IRAG1: variants seen among roughly 807,000 people sequenced by gnomAD.
The protein encoded by IRAG1 is IP3R-associated cGMP kinase substrate.
IRAG1 carries 62 observed loss-of-function variants against 106.2 expected under a neutral mutation model. The observed-to-expected ratio is 0.58, with a 90% CI of 0.48 to 0.72. IRAG1 has a LOEUF of 0.72. IRAG1 is among the 30% of genes least tolerant of loss of function. IRAG1 has a pLI of 0.00. For synonymous variants in IRAG1, 462 were observed against 443.9 expected (o/e 1.04, Z -0.51); for missense variants, 1,064 against 1,140.7 (o/e 0.93, Z 0.97).
intron 1 of IRAG1, among the ~76,000 whole-genome samples, chr11:10,653,143 T>C (rs996391302): frequency 6.6e-6 from 1 of 152,142 alleles, no homozygotes; most frequent in Non-Finnish European, 1.5e-5. Flanking sequence ...TTTCTCCTGC[T>C]CTGAGTGGTG....
intron 1 of IRAG1, among the ~76,000 whole-genome samples, chr11:10,689,674 G>A (rs1390054470): frequency 1.3e-5 from 2 of 152,174 alleles, no homozygotes; most frequent in Non-Finnish European, 2.9e-5. Context: ...ATGACTCTAT[G>A]TTATAAAACC....
chr11:10,606,653 G>A (rs761895745), intron 12 of IRAG1, 89 bp downstream of exon 12: 33 of 1,315,780 alleles, frequency 2.5e-5, no homozygotes, highest in Non-Finnish European at 3.4e-5. Flanking sequence ...GTCTAAAAAT[G>A]TCAGAGCTAG....
intron 2 of IRAG1, among the ~76,000 whole-genome samples, chr11:10,649,428 C>T (rs935808816): frequency 6.6e-6 from 1 of 152,136 alleles, no homozygotes; most frequent in Non-Finnish European, 1.5e-5. Context: ...GCAACTAACC[C>T]TTGTACTGGG....
chr11:10,608,956 A>T (rs1443509606), intron 11 of IRAG1, among the ~76,000 whole-genome samples: 1 of 152,168 alleles, frequency 6.6e-6, no homozygotes, highest in African/African-American at 2.4e-5. Flanking sequence ...GTTCTCTCTG[A>T]CATTTAGGTC....
chr11:10,660,571 C>T (rs1859315668), intron 1 of IRAG1, among the ~76,000 whole-genome samples: 1 of 152,140 alleles, frequency 6.6e-6, no homozygotes, highest in African/African-American at 2.4e-5. Flanking sequence ...GCTACTCAGC[C>T]CCAGGCTCCC....
chr11:10,583,098 G>C (rs1273059685), intron 18 of IRAG1, among the ~76,000 whole-genome samples: 1 of 152,240 alleles, frequency 6.6e-6, no homozygotes, highest in Non-Finnish European at 1.5e-5. Context: ...TGCAATGCCT[G>C]TGAGGTATCC....
rs575024225 is a variant in IRAG1, at chr11:10,679,412, A to G, written c.67+14124T>C. On this transcript the variant is annotated intron_variant, in intron 1 of 20. Coordinates refer to ENST00000423302, the MANE Select transcript of IRAG1 (RefSeq NM_130385.4). ...AGATCTGGTGCCTGGTGCTTTAGGCATATTTACTCACTCAATCCCCCAACT... is the reference window on the plus strand; with the variant it reads ...AGATCTGGTGCCTGGTGCTTTAGGCGTATTTACTCACTCAATCCCCCAACT... 2.0e-5 allele frequency among the ~76,000 whole-genome samples: 3 copies of G among 152,244 alleles called. No homozygotes were observed. In the South Asian group the frequency reaches 6.2e-4, roughly 32 times the overall value.
At chr11:10,610,044 C>T (rs1161536077) in intron 10 of IRAG1, among the ~76,000 whole-genome samples, 193 bp from the exon 11 acceptor site, 2 of 152,186 alleles carry the variant, frequency 1.3e-5, no homozygotes, top group Non-Finnish European at 2.9e-5. Flanking sequence ...AGCCAAGGCT[C>T]AGCAAGGTTA....
At chr11:10,687,887 G>T in intron 1 of IRAG1, 1 of 965,720 alleles carries the variant, frequency 1.0e-6, no homozygotes, top group Non-Finnish European at 1.4e-6. Flanking sequence ...GGGGGGGGGT[G>T]GTATTTAACT....
chr11:10,610,869 T>C lies in IRAG1; in HGVS notation c.1448-1018A>G, dbSNP rs150107456. Among the ~76,000 whole-genome samples the C allele has an allele frequency of 1.4e-3, 206 of 152,358 alleles. 1 individual carries two copies. The Middle Eastern group carries it at 0.031, about 23-fold the overall frequency. ...ATCCTGTATAATGGTTACTTTCCATTTGCATGTAGAACTTCATATTTATCC... is the reference window on the plus strand; with the variant it reads ...ATCCTGTATAATGGTTACTTTCCATCTGCATGTAGAACTTCATATTTATCC... On this transcript the variant is annotated intron_variant, in intron 10 of 20. Transcript: ENST00000423302.
chr11:10,652,199 A>T lies in IRAG1; in HGVS notation c.68-17T>A, dbSNP rs1440601212. The T allele has an allele frequency of 1.9e-6, 3 of 1,613,472 alleles. No individual in the cohort carries two copies. Among genetic ancestry groups the T allele is most frequent in the Non-Finnish European group, 2.5e-6 (3 of 1,179,706 alleles). On this transcript the variant is annotated splice_polypyrimidine_tract_variant and intron_variant, in intron 1 of 20. Coordinates refer to ENST00000423302, the MANE Select transcript of IRAG1 (RefSeq NM_130385.4). Reference sequence around the variant, plus strand: ...CTCCACAGGCTGGGGAGATGCCAAAAGGACAAGTCAAATCCATTCCCATCC... The same window carrying T: ...CTCCACAGGCTGGGGAGATGCCAAATGGACAAGTCAAATCCATTCCCATCC...
chr11:10,607,609 GC>G lies in IRAG1; in HGVS notation c.1572-838del, dbSNP rs150156406. On this transcript the variant is annotated intron_variant, in intron 11 of 20. Coordinates refer to ENST00000423302, the MANE Select transcript of IRAG1 (RefSeq NM_130385.4). ...TGCACAGGCCCTTTCCTGTGCTGGGGCGGGGAGGCCTGGGAGGGGTCCTACC... is the reference window on the plus strand; with the variant it reads ...TGCACAGGCCCTTTCCTGTGCTGGGGGGGGAGGCCTGGGAGGGGTCCTACC... Among the ~76,000 whole-genome samples the G allele has an allele frequency of 5.9e-3, 904 of 152,256 alleles. 13 individuals carry two copies. Among genetic ancestry groups the G allele is most frequent in the African/African-American group, 0.02 (841 of 41,534 alleles).
At chr11:10,613,092 T>C (rs1440999319) in intron 10 of IRAG1, among the ~76,000 whole-genome samples, 1 of 152,142 alleles carries the variant, frequency 6.6e-6, no homozygotes, top group Non-Finnish European at 1.5e-5. Context: ...GAGACTCTGA[T>C]GACCCATCTA....
In IRAG1 at chr11:10,665,723, G is replaced by A. The variant is rs549907285; in HGVS notation, c.68-13541C>T. On this transcript the variant is annotated intron_variant, in intron 1 of 20. Transcript: ENST00000423302. The surrounding 1 kb of genome is among the most constrained non-coding windows in gnomAD (Gnocchi z 4.2). ...AGGACAGGAAGGAAGCTCACACCTT[G>A]CCGACTGAGGCCAGCAGCAGGGTGG... Among the ~76,000 whole-genome samples the A allele has an allele frequency of 4.6e-4, 70 of 152,324 alleles. No individual in the cohort carries two copies. The highest frequency in any genetic ancestry group is 1.6e-3 in the African/African-American group (67 of 41,572).
chr11:10,587,015 G>A (rs1044734735), intron 18 of IRAG1, among the ~76,000 whole-genome samples: 11 of 152,216 alleles, frequency 7.2e-5, no homozygotes, highest in Admixed American at 1.3e-4. Flanking sequence ...CTGTAATCAT[G>A]GCTATAAACT....
At position 10,573,720 on chromosome 11, in the gene IRAG1, C is replaced by T. The variant is rs373595801; in HGVS notation, c.*2612G>A. The T allele has an allele frequency of 3.3e-5, 5 of 152,204 alleles. No individual in the cohort carries two copies. Among genetic ancestry groups the T allele is most frequent in the East Asian group, 1.9e-4 (1 of 5,192 alleles). The allele number at this position is 152,204 out of a possible 1,614,324, so 9.4% of individuals were successfully genotyped here. A position where few individuals can be genotyped will look rare whatever the true frequency, so the allele number is the denominator to read the frequency against. On this transcript the variant is annotated 3_prime_UTR_variant, in exon 21 of 21. Coordinates refer to ENST00000423302, the MANE Select transcript of IRAG1 (RefSeq NM_130385.4). Reference sequence around the variant, plus strand: ...CCATAACTGCCTTCCTGGCCTTTGACTCATCCAGAAACAAAGGTAGGAAAC... The same window carrying T: ...CCATAACTGCCTTCCTGGCCTTTGATTCATCCAGAAACAAAGGTAGGAAAC...
intron 1 of IRAG1, 134 bp downstream of exon 1, chr11:10,693,402 C>G: frequency 6.9e-7 from 1 of 1,441,028 alleles, no homozygotes; most frequent in Non-Finnish European, 9.1e-7. Context: ...AAATGCCACC[C>G]AACAAAGCCA....
chr11:10,688,518 C>A (rs1861829882), intron 1 of IRAG1, among the ~76,000 whole-genome samples: 1 of 152,144 alleles, frequency 6.6e-6, no homozygotes, highest in Non-Finnish European at 1.5e-5. Flanking sequence ...CTCTGTGTCC[C>A]TTCCCTGGTG....
At chr11:10,621,331 T>G (rs1564911718) in intron 10 of IRAG1, among the ~76,000 whole-genome samples, 1 of 152,166 alleles carries the variant, frequency 6.6e-6, no homozygotes, top group Non-Finnish European at 1.5e-5. Context: ...CCATTGTTAG[T>G]GACATCCTGG....
Sources: gnomAD v4.1 joint callset for allele counts (sites outside exome capture counted in the v4.1 genomes callset) on GRCh38, gnomAD v4.1.1 for gene constraint, Gnocchi (gnomAD v3.1) non-coding constraint, MANE v1.5 for transcripts, NCBI Gene and HGNC (gene_info 2026-07-23, HGNC 2026-07-21) for gene names.